Variants in KCNAB2 observed in about 807,000 individuals in gnomAD.
KCNAB2 encodes potassium voltage-gated channel subfamily A regulatory beta subunit 2.
A neutral mutation model predicts 63.6 loss-of-function variants in KCNAB2; 29 were observed. That is an observed-to-expected ratio of 0.46 (90% CI 0.34 to 0.62). KCNAB2 has a LOEUF of 0.62. Among genes scored for constraint, KCNAB2 ranks in the 20% least tolerant of loss-of-function variants. The pLI is 0.01. For missense variants in KCNAB2, 359 were observed against 563.9 expected (o/e 0.64, Z 3.68); for synonymous variants, 222 against 224.2 (o/e 0.99, Z 0.09).
In KCNAB2 at chr1:6,096,380, G is replaced by T; in HGVS notation, c.949-256G>T. 1.8e-6 allele frequency: 1 copy of T among 560,732 alleles called. No homozygotes were observed. The highest frequency in any genetic ancestry group is 4.8e-4 in the Middle Eastern group (1 of 2,062). 34.7% of individuals were successfully genotyped at this position (560,732 alleles called of 1,614,324 possible). A position where few individuals can be genotyped will look rare whatever the true frequency, so the allele number is the denominator to read the frequency against. Reference sequence around the variant, plus strand: ...CCTCGCCTCCTTGTCCTGACTTGGGGTTGGGCCAGCACCACAGTCTTTGCA... The same window carrying T: ...CCTCGCCTCCTTGTCCTGACTTGGGTTTGGGCCAGCACCACAGTCTTTGCA... On this transcript the variant is annotated intron_variant, in intron 13 of 15. Coordinates refer to ENST00000378083, the MANE Select transcript of KCNAB2 (RefSeq NM_001199862.2). This position sits in a 1 kb window ranked among gnomAD's most constrained non-coding sequence, Gnocchi z 5.9.
chr1:6,073,703 C>T lies in KCNAB2; in HGVS notation c.263-30C>T, dbSNP rs1278186459. ...GGATAATCTGGCTTCCTGCCAGGTTCCTAACTTGAGCCCCTGTGTCTCCTT... is the reference window on the plus strand; with the variant it reads ...GGATAATCTGGCTTCCTGCCAGGTTTCTAACTTGAGCCCCTGTGTCTCCTT... On this transcript the variant is annotated intron_variant, in intron 3 of 15. Transcript: ENST00000378083. The surrounding 1 kb of genome is among the most constrained non-coding windows in gnomAD (Gnocchi z 5.7). 6.2e-7 allele frequency: 1 copy of T among 1,613,606 alleles called. No individual in the cohort carries two copies. Among genetic ancestry groups the T allele is most frequent in the Non-Finnish European group, 8.5e-7 (1 of 1,179,500 alleles).
At chr1:6,084,582 A>AGG (rs1664494579) in intron 5 of KCNAB2, among the ~76,000 whole-genome samples, 1 of 152,102 alleles carries the variant, frequency 6.6e-6, no homozygotes, top group African/African-American at 2.4e-5. Context: ...TTGGGAGGCC[A>AGG]CAGTGGGCGG....
At chr1:6,000,921 A>G (rs901734859) in intron 1 of KCNAB2, among the ~76,000 whole-genome samples, 2 of 152,180 alleles carry the variant, frequency 1.3e-5, no homozygotes, top group Non-Finnish European at 2.9e-5. Context: ...CCAGGGCACC[A>G]AGGCGTCACT....
At chr1:6,090,512 G>T (rs1388401456) in intron 9 of KCNAB2, 37 bp downstream of exon 9, 3 of 1,547,036 alleles carry the variant, frequency 1.9e-6, no homozygotes, top group Non-Finnish European at 2.7e-6. Context: ...GTTAGGCCTG[G>T]GCGGGGTCTG....
At chr1:6,091,513 C>G (rs1315322169) in intron 10 of KCNAB2, among the ~76,000 whole-genome samples, 1 of 152,074 alleles carries the variant, frequency 6.6e-6, no homozygotes, top group Non-Finnish European at 1.5e-5. Flanking sequence ...GCCCCCCATC[C>G]CCTCGTTCCT....
At chr1:6,012,143 A>C (rs61760774) in intron 1 of KCNAB2, among the ~76,000 whole-genome samples, 31,454 of 144,722 alleles carry the variant, frequency 0.22, 3,795 homozygotes, top group Non-Finnish European at 0.27. Flanking sequence ...GACGGGTGGA[A>C]GTGGAGGTGA....
intron 6 of KCNAB2, 47 bp downstream of exon 6, chr1:6,085,295 G>T: frequency 6.4e-7 from 1 of 1,560,858 alleles, no homozygotes; most frequent in South Asian, 1.1e-5. Flanking sequence ...GGGTGCGGGC[G>T]AACTATCCCA....
chr1:6,038,447 C>G (rs527623509), intron 1 of KCNAB2, among the ~76,000 whole-genome samples: 1 of 152,116 alleles, frequency 6.6e-6, no homozygotes, highest in African/African-American at 2.4e-5. Context: ...TGCATCACCA[C>G]GCCCAGCTAA....
intron 2 of KCNAB2, among the ~76,000 whole-genome samples, chr1:6,067,673 C>T (rs1662869105): frequency 6.6e-6 from 1 of 152,138 alleles, no homozygotes; most frequent in Admixed American, 6.6e-5. Context: ...AATGACAGTC[C>T]AGAATGGAAT....
chr1:6,051,726 AC>A lies in KCNAB2; in HGVS notation c.192del (p.Ala65ProfsTer6). On this transcript the variant is annotated frameshift_variant, in exon 2 of 16. Transcript: ENST00000378083. LOFTEE classifies it high-confidence loss of function. Reference protein sequence around the residue: ...RMHGLSLDGCTAQRTGMKYRN... With the variant: ...RMHGLSLDGCXAQRTGMKYRN... Reference sequence around the variant, plus strand: ...GCACGGCCTTTCCCTGGACGGCTGCACCGCCCAGCGCACAGGCATGAAGTAT... The same window carrying A: ...GCACGGCCTTTCCCTGGACGGCTGCACGCCCAGCGCACAGGCATGAAGTAT... 6.5e-7 allele frequency: 1 copy of A among 1,533,508 alleles called. No individual in the cohort carries two copies. The highest frequency in any genetic ancestry group is 8.7e-7 in the Non-Finnish European group (1 of 1,146,600). 95.0% of individuals were successfully genotyped at this position (1,533,508 alleles called of 1,614,324 possible).
intron 1 of KCNAB2, 80 bp downstream of exon 1, chr1:6,046,263 G>A: frequency 1.1e-6 from 1 of 921,732 alleles, no homozygotes; most frequent in Non-Finnish European, 1.3e-6. Flanking sequence ...AAAAATAACA[G>A]AGGAGACCAT....
intron 7 of KCNAB2, among the ~76,000 whole-genome samples, chr1:6,088,238 T>C (rs1368309636): frequency 1.3e-5 from 2 of 149,704 alleles, no homozygotes; most frequent in East Asian, 2.0e-4. Flanking sequence ...CTCTCTTTTT[T>C]TTTTTTTTTT....
intron 1 of KCNAB2, among the ~76,000 whole-genome samples, chr1:6,049,772 G>A (rs1391812066): frequency 6.6e-6 from 1 of 152,228 alleles, no homozygotes; most frequent in African/African-American, 2.4e-5. Flanking sequence ...GCATTTGTAG[G>A]CTCTGCTCTG....
At chr1:6,045,301 C>G (rs944277766), upstream of KCNAB2, among the ~76,000 whole-genome samples, 5 of 152,182 alleles carry the variant, frequency 3.3e-5, no homozygotes, top group African/African-American at 1.2e-4. This position sits in a 1 kb window ranked among gnomAD's most constrained non-coding sequence, Gnocchi z 4.8. Flanking sequence ...CACGCTGGGA[C>G]TTTGCTGGCA....
At chr1:6,016,380 T>G (rs1658501654) in intron 1 of KCNAB2, among the ~76,000 whole-genome samples, 1 of 152,204 alleles carries the variant, frequency 6.6e-6, no homozygotes, top group Non-Finnish European at 1.5e-5. Context: ...CTTCCCCAGC[T>G]TCCATGAGTC....
At chr1:6,051,431 C>A (rs1345235902) in intron 1 of KCNAB2, 80 bp from the exon 2 acceptor site, 1 of 1,395,308 alleles carries the variant, frequency 7.2e-7, no homozygotes, top group Non-Finnish European at 9.3e-7. Flanking sequence ...GCTGCAGCTG[C>A]CCCCTGCCCC....
intron 2 of KCNAB2, among the ~76,000 whole-genome samples, chr1:6,066,251 G>T (rs1057144842): frequency 6.6e-6 from 1 of 152,224 alleles, no homozygotes; most frequent in Non-Finnish European, 1.5e-5. Flanking sequence ...TGACACCAGC[G>T]TGAAGCAGCA....
rs143264007 is a variant in KCNAB2, at chr1:5,994,096, C to T, written c.-53+1308C>T. ...TACATCCACATCCGAGGAGCAAGAA[C>T]ACCAAGTTCAGGCCACAGCTGTCCC... is the stretch of plus-strand genomic sequence containing the variant. On this transcript the variant is annotated intron_variant, in intron 1 of 16. Coordinates refer to the KCNAB2 transcript ENST00000341524. The surrounding 1 kb of genome is among the most constrained non-coding windows in gnomAD (Gnocchi z 5.4). Among the ~76,000 whole-genome samples the T allele has an allele frequency of 1.3e-5, 2 of 152,336 alleles. No individual in the cohort carries two copies. The highest frequency in any genetic ancestry group is 4.8e-5 in the African/African-American group (2 of 41,564).
In KCNAB2 at chr1:6,078,006, GC is replaced by G. The variant is rs1025324282; in HGVS notation, c.301-4187del. 4.7e-5 allele frequency among the ~76,000 whole-genome samples: 7 copies of G among 149,810 alleles called. No individual in the cohort carries two copies. The highest frequency in any genetic ancestry group is 1.8e-4 in the African/African-American group (7 of 39,764). Reference sequence around the variant, plus strand: ...AGAGATCCAAACTCGGTACCCCTGAGCCTAAGTCCAGGAGTCAGCCGGGCCG... The same window carrying G: ...AGAGATCCAAACTCGGTACCCCTGAGCTAAGTCCAGGAGTCAGCCGGGCCG... On this transcript the variant is annotated intron_variant, in intron 4 of 15. Transcript: ENST00000378083. This position sits in a 1 kb window ranked among gnomAD's most constrained non-coding sequence, Gnocchi z 4.2.
Sources: gnomAD v4.1 joint callset for allele counts (sites outside exome capture counted in the v4.1 genomes callset) on GRCh38, gnomAD v4.1.1 for gene constraint, Gnocchi (gnomAD v3.1) non-coding constraint, MANE v1.5 for transcripts, NCBI Gene and HGNC (gene_info 2026-07-23, HGNC 2026-07-21) for gene names.